Variants in RLF observed in about 807,000 individuals in gnomAD.
The protein encoded by RLF is RLF zinc finger, also known as zinc finger protein Rlf.
A neutral mutation model predicts 162.9 loss-of-function variants in RLF; 7 were observed. That is an observed-to-expected ratio of 0.04 (90% CI 0.02 to 0.08). RLF has a LOEUF of 0.08. RLF is among the 10% of genes least tolerant of loss of function. The pLI is 1.00. For synonymous variants in RLF, 782 were observed against 791.5 expected, an observed-to-expected ratio of 0.99 and a Z score of 0.20; for missense variants, 1,664 against 2,244.7, an observed-to-expected ratio of 0.74 and a Z score of 5.23.
intron 5 of RLF, among the ~76,000 whole-genome samples, chr1:40,221,716 C>A (rs1431395714): frequency 6.6e-6 from 1 of 151,382 alleles, no homozygotes; most frequent in Admixed American, 6.6e-5. Context: ...CTGGCTAACA[C>A]AGTGAAACCC....
intron 5 of RLF, among the ~76,000 whole-genome samples, chr1:40,220,803 T>TATATAGTTTATA (rs1444868716): frequency 1.3e-5 from 2 of 152,094 alleles, no homozygotes; most frequent in Non-Finnish European, 2.9e-5. Context: ...ATAGTCTAGC[T>TATATAGTTTATA]GGAGAGCCAT....
intron 5 of RLF, among the ~76,000 whole-genome samples, chr1:40,208,615 G>A (rs1557751745): frequency 6.6e-6 from 1 of 152,092 alleles, no homozygotes; most frequent in African/African-American, 2.4e-5. Flanking sequence ...AAGAGTTCAA[G>A]ACCAGCCTGG....
chr1:40,165,391 C>T (rs1642150748), intron 1 of RLF, among the ~76,000 whole-genome samples: 1 of 152,186 alleles, frequency 6.6e-6, no homozygotes, highest in Admixed American at 6.6e-5. Context: ...TTTGACTTCT[C>T]AAGATCCAAT....
intron 6 of RLF, among the ~76,000 whole-genome samples, chr1:40,224,656 G>A (rs1361539951): frequency 2.5e-5 from 1 of 40,138 alleles, no homozygotes; most frequent in Non-Finnish European, 5.0e-5. Context: ...TTTTTTTTTG[G>A]TAGTGGGATG....
At chr1:40,196,212 A>G (rs953387674) in intron 4 of RLF, among the ~76,000 whole-genome samples, 1 of 151,684 alleles carries the variant, frequency 6.6e-6, no homozygotes, top group Non-Finnish European at 1.5e-5. Context: ...AGCTGGGATT[A>G]CAGGCGCGCG....
intron 3 of RLF, among the ~76,000 whole-genome samples, chr1:40,192,145 G>A (rs1480915952): frequency 6.6e-6 from 1 of 152,186 alleles, no homozygotes; most frequent in Non-Finnish European, 1.5e-5. Flanking sequence ...TTAAAGCCCT[G>A]TAATGCAGTC....
intron 4 of RLF, among the ~76,000 whole-genome samples, 177 bp downstream of exon 4, chr1:40,195,941 G>A (rs1473545929): frequency 6.6e-6 from 1 of 152,162 alleles, no homozygotes; most frequent in Non-Finnish European, 1.5e-5. Context: ...TTCTTGCACT[G>A]TTAGTTTTAA....
intron 1 of RLF, among the ~76,000 whole-genome samples, chr1:40,162,318 G>A (rs900049769): frequency 1.3e-5 from 2 of 151,660 alleles, no homozygotes; most frequent in Non-Finnish European, 2.9e-5. Flanking sequence ...GGCCTCTTTT[G>A]GCAGTCGTAT....
chr1:40,206,837 T>C (rs148035418), intron 5 of RLF, among the ~76,000 whole-genome samples: 9 of 152,348 alleles, frequency 5.9e-5, no homozygotes, highest in African/African-American at 2.2e-4. Flanking sequence ...CAAGATAATT[T>C]GAATGGCTTA....
At position 40,236,716 on chromosome 1, in the gene RLF, C is replaced by G; in HGVS notation, c.2014C>G (p.Pro672Ala). ...CCACCTGCAAGACAGAGATTTGTAT[C>G]CATGTCCCGGTACAGACTGTTCCCG... ...DCHLQDRDLYPCPGTDCSRVF... is the reference protein window; with the variant it reads ...DCHLQDRDLYACPGTDCSRVF... Residue 672 changes from proline to alanine, a missense_variant, in exon 8 of 8, where the codon CCA (proline) becomes GCA (alanine). Transcript: ENST00000372771. The surrounding 1 kb of genome is among the most constrained non-coding windows in gnomAD (Gnocchi z 7.7). 6.2e-7 allele frequency: 1 copy of G among 1,614,076 alleles called. No individual in the cohort carries two copies. The highest frequency in any genetic ancestry group is 8.5e-7 in the Non-Finnish European group (1 of 1,179,990).
rs188016380 is a variant in RLF at position 40,217,268 on chromosome 1, C to A, written c.811-5306C>A. ...AACATTTGAGGCCAGGAGTTCAAGA[C>A]CAACCTCGGCAACAATATGAAACTC... On this transcript the variant is annotated intron_variant, in intron 5 of 7. Coordinates refer to ENST00000372771, the MANE Select transcript of RLF (RefSeq NM_012421.4). 1.4e-3 allele frequency among the ~76,000 whole-genome samples: 218 copies of A among 152,186 alleles called. 1 individual carries two copies. Among genetic ancestry groups the A allele is most frequent in the African/African-American group, 5.0e-3 (207 of 41,496 alleles).
rs562433308 is a variant in RLF at position 40,182,356 on chromosome 1, C to T, written c.238-6699C>T. Among the ~76,000 whole-genome samples the T allele has an allele frequency of 4.2e-3, 638 of 152,202 alleles. 7 individuals are homozygous for T. Among genetic ancestry groups the T allele is most frequent in the African/African-American group, 0.015 (622 of 41,542 alleles). On this transcript the variant is annotated intron_variant, in intron 1 of 7. Coordinates refer to ENST00000372771, the MANE Select transcript of RLF (RefSeq NM_012421.4). ...GGCTGAGGCAGGAGAGTCTCTTGAA[C>T]CTGGGAGGGGGAGGTTGCAGTGAGC... is the stretch of plus-strand genomic sequence containing the variant.
rs146937936 is a variant in RLF, at chr1:40,228,233, C to T, written c.948-3284C>T. 2.3e-3 allele frequency among the ~76,000 whole-genome samples: 347 copies of T among 151,692 alleles called. 1 individual carries two copies. Among genetic ancestry groups the T allele is most frequent in the African/African-American group, 7.2e-3 (297 of 41,308 alleles). On this transcript the variant is annotated intron_variant, in intron 6 of 7. Transcript: ENST00000372771. ...CTTGGGAGGCAGAGGTTGCAGTGAG[C>T]CGAGATCATGCCACTGCATTCGAGC...
At chr1:40,173,968 G>T (rs1177684035) in intron 1 of RLF, among the ~76,000 whole-genome samples, 2 of 152,224 alleles carry the variant, frequency 1.3e-5, no homozygotes, top group African/African-American at 4.8e-5. Context: ...AGGTTTGTCA[G>T]TGTAGTCATT....
chr1:40,210,189 A>G (rs528441842), intron 5 of RLF, among the ~76,000 whole-genome samples: 92 of 152,206 alleles, frequency 6.0e-4, no homozygotes, highest in Non-Finnish European at 1.0e-3. Flanking sequence ...CTAATGTTGT[A>G]TTAGGCATTG....
At chr1:40,231,438 C>A in intron 6 of RLF, 79 bp from the exon 7 acceptor site, 1 of 1,317,800 alleles carries the variant, frequency 7.6e-7, no homozygotes, top group South Asian at 1.4e-5. Context: ...TTCTACAGAT[C>A]AAAAAATTGG....
In RLF at chr1:40,239,691, AGATACT is replaced by A; in HGVS notation, c.4990_4995del (p.Asp1664_Thr1665del). The A allele has an allele frequency of 6.2e-7, 1 of 1,614,248 alleles. No homozygotes were observed. The highest frequency in any genetic ancestry group is 1.3e-5 in the African/African-American group (1 of 75,074). Reference sequence around the variant, plus strand: ...TAGAAAGCAGCTCAGTATTTGATGCAGATACTCTGCTCTACAGGGGAACTTTGAAAT... The same window carrying A: ...TAGAAAGCAGCTCAGTATTTGATGCACTGCTCTACAGGGGAACTTTGAAAT... On this transcript the variant is annotated inframe_deletion, in exon 8 of 8. Transcript: ENST00000372771.
chr1:40,175,416 C>A (rs889928247), intron 1 of RLF, among the ~76,000 whole-genome samples: 1 of 152,036 alleles, frequency 6.6e-6, no homozygotes, highest in African/African-American at 2.4e-5. Context: ...TTTGGGAGGC[C>A]TAGGCAGGCG....
chr1:40,168,294 G>A (rs541338483), intron 1 of RLF, among the ~76,000 whole-genome samples: 1 of 152,268 alleles, frequency 6.6e-6, no homozygotes, highest in South Asian at 2.1e-4. Flanking sequence ...TGTTGCCCAG[G>A]CTGGAGTGCA....
Sources: allele counts gnomAD v4.1 joint callset (sites outside exome capture counted in the v4.1 genomes callset), GRCh38; gene constraint gnomAD v4.1.1; non-coding constraint Gnocchi (gnomAD v3.1); transcripts MANE v1.5; gene names NCBI Gene and HGNC (gene_info 2026-07-23, HGNC 2026-07-21).